RFX4: variants seen among roughly 807,000 people sequenced by gnomAD.
The protein encoded by RFX4 is regulatory factor X4, also known as transcription factor RFX4.
In RFX4, 10 loss-of-function variants were observed where a neutral mutation model predicts 95.0. That is an observed-to-expected ratio of 0.11 (90% confidence interval 0.06 to 0.18). RFX4 has a LOEUF of 0.18. Ranked by LOEUF, RFX4 falls within the 10% of genes least tolerant of loss-of-function variation. The pLI, the probability that RFX4 is intolerant of heterozygous loss-of-function variation, is 1.00. For missense variants in RFX4, 640 were observed against 922.0 expected (o/e 0.69, Z 3.96); for synonymous variants, 321 against 340.7 (o/e 0.94, Z 0.64).
intron 1 of RFX4, among the ~76,000 whole-genome samples, chr12:106,589,025 TGCAGGTCACTTGGGAAACTCTTCA>T (rs1242178291): frequency 2.0e-5 from 3 of 152,206 alleles, no homozygotes; most frequent in Non-Finnish European, 4.4e-5. Context: ...CTACGTGTTC[TGCAGGTCACTTGGGAAACTCTTCA>T]GCTGCCCCTC....
At chr12:106,675,730 A>G (rs749947724) in intron 4 of RFX4, among the ~76,000 whole-genome samples, 1 of 152,206 alleles carries the variant, frequency 6.6e-6, no homozygotes, top group South Asian at 2.1e-4. Flanking sequence ...AGATGTGAGG[A>G]TGAGTAGACA....
At position 106,720,141 on chromosome 12, in the gene RFX4, G is replaced by T; in HGVS notation, c.1233+87G>T. On this transcript the variant is annotated intron_variant, in intron 12 of 17. Transcript: ENST00000392842. The surrounding 1 kb of genome is among the most constrained non-coding windows in gnomAD (Gnocchi z 4.2). ...AACTTGGCCAAGACAAAGCCCTATGGTAAGCTATCTGAACAGGGTTTTGAG... is the reference window on the plus strand; with the variant it reads ...AACTTGGCCAAGACAAAGCCCTATGTTAAGCTATCTGAACAGGGTTTTGAG... 2.6e-6 allele frequency: 3 copies of T among 1,143,580 alleles called. No homozygotes were observed. The South Asian group carries it at 3.8e-5, about 14-fold the overall frequency. 70.8% of individuals were successfully genotyped at this position (1,143,580 alleles called of 1,614,324 possible).
At chr12:106,721,782 T>G (rs898215321) in intron 13 of RFX4, among the ~76,000 whole-genome samples, 5 of 152,246 alleles carry the variant, frequency 3.3e-5, no homozygotes, top group African/African-American at 1.2e-4. Flanking sequence ...TCTCATTATC[T>G]CCAATTAAGC....
intron 17 of RFX4, 42 bp downstream of exon 17, chr12:106,750,835 C>T: frequency 6.7e-7 from 1 of 1,484,984 alleles, no homozygotes; most frequent in Non-Finnish European, 9.0e-7. Context: ...CCTTGGTATA[C>T]TTGGTGCCAA....
chr12:106,646,026 A>C, intron 3 of RFX4: 9 of 1,090,238 alleles, frequency 8.3e-6, no homozygotes, highest in Non-Finnish European at 9.9e-6. Flanking sequence ...TTTTTAAAAA[A>C]AGTATTTTGT....
intron 13 of RFX4, among the ~76,000 whole-genome samples, chr12:106,728,208 T>A (rs1212052973): frequency 1.3e-5 from 2 of 151,942 alleles, no homozygotes; most frequent in Admixed American, 6.6e-5. Flanking sequence ...CTTTTGTCTC[T>A]AATCCTAATG....
At chr12:106,625,665 G>A (rs1391071163) in intron 2 of RFX4, among the ~76,000 whole-genome samples, 1 of 152,116 alleles carries the variant, frequency 6.6e-6, no homozygotes, top group Non-Finnish European at 1.5e-5. Context: ...CAAAAGTTGG[G>A]CCCAGAAGAT....
chr12:106,695,657 C>T (rs2041865286), intron 7 of RFX4, among the ~76,000 whole-genome samples: 1 of 152,162 alleles, frequency 6.6e-6, no homozygotes, highest in African/African-American at 2.4e-5. Flanking sequence ...ACATAGCTTA[C>T]CACTCAGGTA....
At chr12:106,759,649 G>A (rs896514087) in intron 17 of RFX4, among the ~76,000 whole-genome samples, 1 of 152,100 alleles carries the variant, frequency 6.6e-6, no homozygotes, top group African/African-American at 2.4e-5. Context: ...AGGGGTATGC[G>A]CCAGTGTTTC....
chr12:106,638,196 CGG>C (rs1347353591), intron 2 of RFX4, among the ~76,000 whole-genome samples: 1 of 151,914 alleles, frequency 6.6e-6, no homozygotes, highest in African/African-American at 2.4e-5. Flanking sequence ...TTAGTACAGA[CGG>C]GGTTTCACCA....
chr12:106,652,700 C>A (rs1385952124), intron 3 of RFX4, among the ~76,000 whole-genome samples: 1 of 152,144 alleles, frequency 6.6e-6, no homozygotes, highest in Non-Finnish European at 1.5e-5. Flanking sequence ...GGTTGTATTC[C>A]CCCTCTGTGG....
Position 106,588,483 on chromosome 12 carries a change from C to T in RFX4, c.43+5120C>T, listed in dbSNP as rs1001488350. Among the ~76,000 whole-genome samples the T allele has an allele frequency of 6.1e-4, 93 of 152,312 alleles. 5 individuals are homozygous for T. The highest frequency in any genetic ancestry group is 1.0e-3 in the South Asian group (5 of 4,820). ...CGGCCATCAAAGGAAAATCACTCCA[C>T]CCTCCACTGCTCAAGTTTTTGGGAA... On this transcript the variant is annotated intron_variant, in intron 1 of 17. Transcript: ENST00000392842.
Position 106,600,938 on chromosome 12 carries a change from A to G in RFX4, c.44-7859A>G, listed in dbSNP as rs184291132. On this transcript the variant is annotated intron_variant, in intron 1 of 17. Coordinates refer to ENST00000392842, the MANE Select transcript of RFX4 (RefSeq NM_213594.3). ...ACTCACTTTCTGCTGTCTTCTTGCT[A>G]ATTTGTCTCTGTCTCCGCCACAGAA... 2.0e-3 allele frequency among the ~76,000 whole-genome samples: 299 copies of G among 152,290 alleles called. 1 individual carries two copies. Among genetic ancestry groups the G allele is most frequent in the African/African-American group, 6.4e-3 (266 of 41,558 alleles).
At chr12:106,681,291 T>G (rs778369910) in intron 4 of RFX4, 1 of 152,166 alleles carries the variant, frequency 6.6e-6, no homozygotes, top group Admixed American at 6.5e-5. Context: ...GGAGGAGACA[T>G]AAACTAAGTA....
chr12:106,608,352 C>T (rs1256305305), intron 1 of RFX4, among the ~76,000 whole-genome samples: 2 of 152,208 alleles, frequency 1.3e-5, no homozygotes, highest in African/African-American at 4.8e-5. Flanking sequence ...TAAAGTTTTA[C>T]CTGCTTTTCT....
chr12:106,586,162 G>C lies in RFX4; in HGVS notation c.43+2799G>C, dbSNP rs528807590. On this transcript the variant is annotated intron_variant, in intron 1 of 17. Coordinates refer to ENST00000392842, the MANE Select transcript of RFX4 (RefSeq NM_213594.3). This position sits in a 1 kb window ranked among gnomAD's most constrained non-coding sequence, Gnocchi z 5.6. ...AGCTTGCCGCGCGCCGCGGTGCTCC[G>C]GCAGGAGGCAAAGGCGACAGGCGCG... is the stretch of plus-strand genomic sequence containing the variant. Among the ~76,000 whole-genome samples, 1 of 152,144 alleles carries C rather than the reference G, an allele frequency of 6.6e-6. No individual in the cohort carries two copies. The highest frequency in any genetic ancestry group is 1.5e-5 in the Non-Finnish European group (1 of 68,010).
At chr12:106,631,188 G>C (rs2040409711) in intron 2 of RFX4, among the ~76,000 whole-genome samples, 1 of 152,228 alleles carries the variant, frequency 6.6e-6, no homozygotes, top group Non-Finnish European at 1.5e-5. Context: ...CACAGTGCCT[G>C]GCACAATATG....
intron 15 of RFX4, among the ~76,000 whole-genome samples, chr12:106,736,973 T>A (rs1478822325): frequency 6.6e-6 from 1 of 151,958 alleles, no homozygotes; most frequent in Non-Finnish European, 1.5e-5. Context: ...TTTCTCCTAA[T>A]CACTTCTCAC....
chr12:106,689,289 T>G lies in RFX4; in HGVS notation c.594T>G (p.Val198=). The G allele has an allele frequency of 6.2e-7, 1 of 1,612,502 alleles. No individual in the cohort carries two copies. The highest frequency in any genetic ancestry group is 1.1e-5 in the South Asian group (1 of 91,050). The change falls in exon 7 of 18, where the codon GTT becomes GTG. Residue 198 remains valine, a splice_region_variant and synonymous_variant. Transcript: ENST00000392842. ...TGATCCTCTACACACCCCCACAGGT[T>G]TCTACCTTTATTATGATGTACAGAA... The part of the protein sequence containing the change: ...NLPASLPEEK[V]STFIMMYRTH...
Sources: allele counts gnomAD v4.1 joint callset (sites outside exome capture counted in the v4.1 genomes callset), GRCh38; gene constraint gnomAD v4.1.1; non-coding constraint Gnocchi (gnomAD v3.1); transcripts MANE v1.5; gene names NCBI Gene and HGNC (gene_info 2026-07-23, HGNC 2026-07-21).